The following FHIT variants were observed in gnomAD, a reference collection of about 807,000 sequenced individuals.
FHIT encodes the protein fragile histidine triad diadenosine triphosphatase.
In FHIT, 19 loss-of-function variants were observed where a neutral mutation model predicts 17.9. The ratio of observed to expected loss-of-function variants is 1.06; its 90% CI spans 0.74 to 1.56. The LOEUF is 1.56. Ranked by LOEUF, FHIT falls within the 40% of genes most tolerant of loss-of-function variation. FHIT has a pLI of 0.00. For missense variants in FHIT, 248 were observed against 189.2 expected (o/e 1.31, Z -1.82); for synonymous variants, 81 against 69.7 (o/e 1.16, Z -0.81).
At chr3:59,924,278 T>C (rs565355107) in intron 7 of FHIT, among the ~76,000 whole-genome samples, 26 of 152,272 alleles carry the variant, frequency 1.7e-4, no homozygotes, top group Non-Finnish European at 5.9e-5. Context: ...CCTCTTTTTG[T>C]CCTTTCTTCT....
intron 5 of FHIT, among the ~76,000 whole-genome samples, chr3:60,020,287 A>C (rs1157467044): frequency 2.0e-5 from 3 of 152,174 alleles, no homozygotes; most frequent in Non-Finnish European, 4.4e-5. Context: ...AATACGAAAT[A>C]TTTAAACATG....
At chr3:60,802,123 A>G (rs1701212985) in intron 4 of FHIT, among the ~76,000 whole-genome samples, 1 of 152,226 alleles carries the variant, frequency 6.6e-6, no homozygotes, top group Non-Finnish European at 1.5e-5. Flanking sequence ...TCAGGTTACT[A>G]TCATTCAATC....
chr3:60,068,134 G>A (rs1322314671), intron 5 of FHIT, among the ~76,000 whole-genome samples: 1 of 152,148 alleles, frequency 6.6e-6, no homozygotes, highest in Non-Finnish European at 1.5e-5. Flanking sequence ...TACTCTGGAG[G>A]CTGAGGCAGG....
rs746663323 is a variant in FHIT at position 59,922,334 on chromosome 3, G to C, written c.348+12C>G. On this transcript the variant is annotated intron_variant, in intron 8 of 9. Transcript: ENST00000492590. ...CGTGATCAAACAATAAGATCAGAGA[G>C]AACAGACCCACCTCCTCATAGATGC... 6.2e-7 allele frequency: 1 copy of C among 1,609,446 alleles called. No homozygotes were observed. Among genetic ancestry groups the C allele is most frequent in the African/African-American group, 1.3e-5 (1 of 74,894 alleles).
intron 2 of FHIT, among the ~76,000 whole-genome samples, chr3:61,063,756 CAT>C (rs1485887633): frequency 1.3e-5 from 2 of 152,102 alleles, no homozygotes; most frequent in Non-Finnish European, 2.9e-5. Context: ...GCAATACTCT[CAT>C]GTGTGTATGT....
intron 2 of FHIT, among the ~76,000 whole-genome samples, chr3:61,069,112 C>A (rs547249891): frequency 1.3e-5 from 2 of 152,056 alleles, no homozygotes; most frequent in Non-Finnish European, 2.9e-5. Context: ...ATGGCAAGAT[C>A]CCTGAAGGCC....
intron 5 of FHIT, among the ~76,000 whole-genome samples, chr3:60,032,430 T>C (rs541241630): frequency 1.3e-5 from 2 of 150,966 alleles, no homozygotes; most frequent in Non-Finnish European, 2.9e-5. Flanking sequence ...CCAGCCTAGG[T>C]GAAGGAGCAA....
intron 4 of FHIT, among the ~76,000 whole-genome samples, chr3:60,720,546 C>T (rs1422414982): frequency 2.0e-5 from 3 of 152,102 alleles, no homozygotes; most frequent in African/African-American, 7.2e-5. Flanking sequence ...AAACTAGACC[C>T]CAAGCAGTAC....
chr3:59,803,645 G>C (rs1418299523), intron 8 of FHIT, among the ~76,000 whole-genome samples: 1 of 152,188 alleles, frequency 6.6e-6, no homozygotes, highest in African/African-American at 2.4e-5. Context: ...GCTAAGTAAA[G>C]AAGTTCTGGA....
At chr3:60,181,339 T>G (rs910589291) in intron 5 of FHIT, among the ~76,000 whole-genome samples, 5 of 152,010 alleles carry the variant, frequency 3.3e-5, no homozygotes, top group Non-Finnish European at 5.9e-5. Flanking sequence ...AGATACGGTG[T>G]TCCACCATGT....
At chr3:60,070,154 G>T (rs1011007439) in intron 5 of FHIT, among the ~76,000 whole-genome samples, 1 of 152,114 alleles carries the variant, frequency 6.6e-6, no homozygotes, top group Non-Finnish European at 1.5e-5. Context: ...CACCTGGAGT[G>T]CCCTGGGTCC....
chr3:60,511,647 G>A (rs2034955118), intron 5 of FHIT, among the ~76,000 whole-genome samples: 1 of 151,972 alleles, frequency 6.6e-6, no homozygotes, highest in African/African-American at 2.4e-5. Flanking sequence ...ATATTTTCCA[G>A]TCCTTTCTAA....
chr3:60,408,844 T>A (rs1281186934), intron 5 of FHIT, among the ~76,000 whole-genome samples: 1 of 152,078 alleles, frequency 6.6e-6, no homozygotes, highest in Non-Finnish European at 1.5e-5. Flanking sequence ...TAGACTTTTT[T>A]AAAAACAAAA....
At chr3:60,270,696 C>A (rs2107626429) in intron 5 of FHIT, among the ~76,000 whole-genome samples, 1 of 152,302 alleles carries the variant, frequency 6.6e-6, no homozygotes, top group East Asian at 1.9e-4. Flanking sequence ...AGATTCTAGG[C>A]AGAGCTCTAA....
chr3:59,807,798 C>G (rs1700260886), intron 8 of FHIT, among the ~76,000 whole-genome samples: 1 of 151,978 alleles, frequency 6.6e-6, no homozygotes, highest in Non-Finnish European at 1.5e-5. Context: ...TCCGCAAACA[C>G]AGGAGAAAGA....
chr3:60,716,513 T>A (rs1392121951), intron 4 of FHIT, among the ~76,000 whole-genome samples: 2 of 152,154 alleles, frequency 1.3e-5, no homozygotes, highest in African/African-American at 4.8e-5. Flanking sequence ...AACTGGCAGG[T>A]CTTCAGGGGC....
At chr3:60,206,305 T>C (rs1002215122) in intron 5 of FHIT, among the ~76,000 whole-genome samples, 6 of 152,142 alleles carry the variant, frequency 3.9e-5, no homozygotes, top group African/African-American at 7.2e-5. Flanking sequence ...CCAGTACTTA[T>C]GATAAGAAAA....
chr3:60,220,020 A>T (rs1490472803), intron 5 of FHIT, among the ~76,000 whole-genome samples: 4 of 152,172 alleles, frequency 2.6e-5, no homozygotes, highest in Non-Finnish European at 4.4e-5. Context: ...TCCCCCTGAT[A>T]CAAAAGCTTA....
At chr3:60,984,920 A>G (rs1311611280) in intron 3 of FHIT, among the ~76,000 whole-genome samples, 1 of 152,146 alleles carries the variant, frequency 6.6e-6, no homozygotes, top group African/African-American at 2.4e-5. Context: ...AAATTTACGT[A>G]TAGAGAATCC....
Sources: allele counts gnomAD v4.1 joint callset (sites outside exome capture counted in the v4.1 genomes callset), GRCh38; gene constraint gnomAD v4.1.1; transcripts MANE v1.5; gene names NCBI Gene and HGNC (gene_info 2026-07-23, HGNC 2026-07-21).